LCMT1: variants seen among roughly 807,000 people sequenced by gnomAD.
LCMT1 encodes leucine carboxyl methyltransferase 1, also known as [Phosphatase 2A protein]-leucine-carboxy methyltransferase 1.
Under a neutral mutation model 47.7 loss-of-function variants are expected in LCMT1, and 32 were observed. The ratio of observed to expected loss-of-function variants is 0.67; its 90% CI spans 0.51 to 0.90. The LOEUF (loss-of-function observed/expected upper bound fraction) is 0.90. LCMT1 is among the 40% of genes least tolerant of loss of function. The pLI, the probability that LCMT1 is intolerant of heterozygous loss-of-function variation, is 0.00. For synonymous variants in LCMT1, 152 were observed against 149.7 expected (o/e 1.02, Z -0.11); for missense variants, 375 against 415.2 (o/e 0.90, Z 0.84).
chr16:25,124,117 G>A (rs954951000), intron 1 of LCMT1, among the ~76,000 whole-genome samples: 1 of 152,180 alleles, frequency 6.6e-6, no homozygotes, highest in Non-Finnish European at 1.5e-5. Flanking sequence ...AAGGACATCT[G>A]TCTCTCAAGA....
intron 5 of LCMT1, among the ~76,000 whole-genome samples, chr16:25,155,135 A>G (rs1427755503): frequency 3.3e-5 from 5 of 152,216 alleles, no homozygotes; most frequent in Admixed American, 2.6e-4. Context: ...ACCAACTGTT[A>G]GATGCATCCT....
chr16:25,124,730 GCT>G (rs1344745595), intron 1 of LCMT1, among the ~76,000 whole-genome samples: 3 of 152,190 alleles, frequency 2.0e-5, no homozygotes, highest in Admixed American at 6.5e-5. Flanking sequence ...TCCAGTTGAC[GCT>G]CGTGGAGACA....
At chr16:25,153,539 T>TA (rs1215984869) in intron 5 of LCMT1, among the ~76,000 whole-genome samples, 1 of 151,892 alleles carries the variant, frequency 6.6e-6, no homozygotes, top group African/African-American at 2.4e-5. Flanking sequence ...AATCACCTCT[T>TA]AAAGGTCCTA....
At chr16:25,115,361 C>T (rs1426404252) in intron 1 of LCMT1, among the ~76,000 whole-genome samples, 2 of 152,114 alleles carry the variant, frequency 1.3e-5, no homozygotes, top group African/African-American at 2.4e-5. Context: ...TTAGTAGACC[C>T]AAAATGCTGG....
intron 4 of LCMT1, among the ~76,000 whole-genome samples, chr16:25,149,930 AAAAG>A (rs1431287809): frequency 6.6e-6 from 1 of 151,772 alleles, no homozygotes; most frequent in Admixed American, 6.6e-5. Context: ...AAAAAAAAAA[AAAAG>A]TAGGTTACCT....
intron 1 of LCMT1, among the ~76,000 whole-genome samples, chr16:25,122,698 C>T (rs1027812534): frequency 1.3e-5 from 2 of 152,136 alleles, no homozygotes; most frequent in Admixed American, 6.5e-5. Context: ...TTTGTAAGAA[C>T]TTTTTATTTC....
At chr16:25,159,177 C>T (rs1474410215) in intron 5 of LCMT1, among the ~76,000 whole-genome samples, 1 of 152,210 alleles carries the variant, frequency 6.6e-6, no homozygotes, top group Non-Finnish European at 1.5e-5. Flanking sequence ...AAACTCATTC[C>T]AAATGTGCTT....
chr16:25,154,773 C>T (rs1371314269), intron 5 of LCMT1, among the ~76,000 whole-genome samples: 1 of 152,160 alleles, frequency 6.6e-6, no homozygotes, highest in Non-Finnish European at 1.5e-5. Context: ...AGGTGTGAGC[C>T]ACTGCACCCG....
rs2141704363 is a variant in LCMT1, at chr16:25,165,184, G to A, written c.690+466G>A. On this transcript the variant is annotated intron_variant, in intron 7 of 10. Transcript: ENST00000399069. ...TTTACAGCCAGTTGTTATCATGTAG[G>A]CATGTGAGCCTAGAGCTGCCAGAAC... 3.9e-5 allele frequency among the ~76,000 whole-genome samples: 6 copies of A among 152,288 alleles called. No individual in the cohort carries two copies. In the South Asian group the frequency reaches 1.2e-3, roughly 32 times the overall value.
intron 3 of LCMT1, among the ~76,000 whole-genome samples, chr16:25,139,536 A>G (rs765885619): frequency 4.6e-5 from 7 of 152,104 alleles, no homozygotes; most frequent in Admixed American, 3.3e-4. Context: ...AATGAAAAAT[A>G]TATCAGAAAA....
chr16:25,133,120 C>T (rs2141652196), intron 3 of LCMT1, among the ~76,000 whole-genome samples: 1 of 152,048 alleles, frequency 6.6e-6, no homozygotes, highest in East Asian at 1.9e-4. Flanking sequence ...CTCAGCCTCT[C>T]AAAGTGCTGG....
intron 4 of LCMT1, chr16:25,142,293 G>C (rs1298113730): frequency 6.6e-6 from 1 of 152,220 alleles, no homozygotes; most frequent in African/African-American, 2.4e-5. Flanking sequence ...TTACTGCTAA[G>C]AGAAAACCCG....
chr16:25,167,517 G>A (rs1961622573), intron 7 of LCMT1, among the ~76,000 whole-genome samples: 1 of 151,796 alleles, frequency 6.6e-6, no homozygotes, highest in African/African-American at 2.4e-5. Context: ...TTGCTATGTT[G>A]TCCAGGCTGG....
intron 5 of LCMT1, among the ~76,000 whole-genome samples, chr16:25,157,891 C>T (rs1961308177): frequency 1.3e-5 from 2 of 152,070 alleles, no homozygotes; most frequent in Non-Finnish European, 2.9e-5. Context: ...TCATAGTACC[C>T]CTGAGCCAAA....
chr16:25,130,468 A>G (rs1960318311), intron 2 of LCMT1, among the ~76,000 whole-genome samples: 1 of 151,968 alleles, frequency 6.6e-6, no homozygotes, highest in Non-Finnish European at 1.5e-5. Context: ...CCTGGGCAAC[A>G]TGGTGAAACC....
At chr16:25,112,345 G>A (rs1202373162) in intron 1 of LCMT1, among the ~76,000 whole-genome samples, 1 of 152,212 alleles carries the variant, frequency 6.6e-6, no homozygotes, top group African/African-American at 2.4e-5. Flanking sequence ...AGGATGAGAG[G>A]TGTAGGTTCT....
At position 25,128,466 on chromosome 16, in the gene LCMT1, CCCTT is replaced by C; in HGVS notation, c.114-6_114-3del. 1 of 1,597,494 alleles carries C rather than the reference CCCTT, an allele frequency of 6.3e-7. No homozygotes were observed. Among genetic ancestry groups the C allele is most frequent in the East Asian group, 2.2e-5 (1 of 44,580 alleles). On this transcript the variant is annotated splice_polypyrimidine_tract_variant and splice_region_variant and intron_variant, in intron 1 of 10. Coordinates refer to ENST00000399069, the MANE Select transcript of LCMT1 (RefSeq NM_016309.3). Reference sequence around the variant, plus strand: ...TCTACTCACCTTCCTCCTTTTTTCTCCCTTCCAGGTTTGCAGTAAGCATTGGCTA... The same window carrying C: ...TCTACTCACCTTCCTCCTTTTTTCTCCCAGGTTTGCAGTAAGCATTGGCTA...
chr16:25,115,969 C>T (rs893570673), intron 1 of LCMT1, among the ~76,000 whole-genome samples: 4 of 152,208 alleles, frequency 2.6e-5, no homozygotes, highest in African/African-American at 7.2e-5. Flanking sequence ...TGAGCCACCA[C>T]GCCCAGCCTT....
At chr16:25,148,811 A>G (rs1960967031) in intron 4 of LCMT1, 1 of 152,208 alleles carries the variant, frequency 6.6e-6, no homozygotes, top group Non-Finnish European at 1.5e-5. Context: ...AGGGAGGGAA[A>G]TTACTCCTTG....
Sources: gnomAD v4.1 joint callset for allele counts (sites outside exome capture counted in the v4.1 genomes callset) on GRCh38, gnomAD v4.1.1 for gene constraint, MANE v1.5 for transcripts, NCBI Gene and HGNC (gene_info 2026-07-23, HGNC 2026-07-21) for gene names.